Variants in CA10 observed in about 807,000 individuals in gnomAD.
CA10 encodes the protein carbonic anhydrase 10 (inactive).
CA10 carries 14 observed loss-of-function variants against 44.2 expected under a neutral mutation model. The observed-to-expected ratio is 0.32, with a 90% CI of 0.21 to 0.50. CA10 has a LOEUF of 0.50. Ranked by LOEUF, CA10 falls within the 20% of genes least tolerant of loss-of-function variation. The probability of loss-of-function intolerance (pLI) is 0.99; values close to 1 mark genes in which losing one functional copy is unlikely to be tolerated. For synonymous variants in CA10, 159 were observed against 141.6 expected, an observed-to-expected ratio of 1.12 and a Z score of -0.87; for missense variants, 350 against 409.7, an observed-to-expected ratio of 0.85 and a Z score of 1.26.
chr17:51,925,573 T>C (rs1237631531), intron 3 of CA10, among the ~76,000 whole-genome samples: 1 of 152,152 alleles, frequency 6.6e-6, no homozygotes, highest in African/African-American at 2.4e-5. Context: ...GCCCCAGTAA[T>C]TCCACTCCTT....
chr17:52,049,858 C>G (rs1466128210), intron 2 of CA10, among the ~76,000 whole-genome samples: 1 of 152,048 alleles, frequency 6.6e-6, no homozygotes, highest in Admixed American at 6.6e-5. Flanking sequence ...TAAGATTATA[C>G]TGGAATACCA....
chr17:52,000,500 C>G (rs564611538), intron 2 of CA10, among the ~76,000 whole-genome samples: 1 of 152,056 alleles, frequency 6.6e-6, no homozygotes, highest in Non-Finnish European at 1.5e-5. Context: ...CTATGCTTTA[C>G]TTTTGTATGT....
intron 3 of CA10, among the ~76,000 whole-genome samples, chr17:51,816,162 A>T (rs539535316): frequency 6.6e-6 from 1 of 152,304 alleles, no homozygotes; most frequent in Non-Finnish European, 1.5e-5. Flanking sequence ...ATAAGTGAGG[A>T]CATGCAATGT....
At chr17:52,067,211 A>G (rs1879309088) in intron 2 of CA10, among the ~76,000 whole-genome samples, 1 of 152,252 alleles carries the variant, frequency 6.6e-6, no homozygotes, top group African/African-American at 2.4e-5. Flanking sequence ...GGCTGGGCCC[A>G]AGGCCTAGCT....
At chr17:51,940,694 C>A (rs1191600818) in intron 2 of CA10, among the ~76,000 whole-genome samples, 1 of 144,080 alleles carries the variant, frequency 6.9e-6, no homozygotes, top group Non-Finnish European at 1.5e-5. Flanking sequence ...AAAAAAAAAA[C>A]ACCCTGGCAA....
At chr17:51,798,535 C>G (rs1906802286) in intron 3 of CA10, among the ~76,000 whole-genome samples, 1 of 152,204 alleles carries the variant, frequency 6.6e-6, no homozygotes. Flanking sequence ...AGAGATGCAG[C>G]TTAAGTTACT....
At chr17:51,699,987 A>G (rs2143455699) in intron 4 of CA10, among the ~76,000 whole-genome samples, 1 of 151,540 alleles carries the variant, frequency 6.6e-6, no homozygotes, top group East Asian at 1.9e-4. Context: ...CCCATGGGGT[A>G]GACATCAGAG....
intron 3 of CA10, among the ~76,000 whole-genome samples, chr17:51,806,520 AT>A (rs1907146057): frequency 6.6e-6 from 1 of 152,218 alleles, no homozygotes; most frequent in Non-Finnish European, 1.5e-5. Flanking sequence ...CAATAAACAA[AT>A]AAAAATGAGA....
At chr17:51,993,379 T>C (rs1399562386) in intron 2 of CA10, among the ~76,000 whole-genome samples, 2 of 152,164 alleles carry the variant, frequency 1.3e-5, no homozygotes, top group African/African-American at 4.8e-5. Context: ...GGACCTCTTC[T>C]GAAGCATACA....
At chr17:52,090,017 T>C (rs2143206359) in intron 1 of CA10, among the ~76,000 whole-genome samples, 2 of 152,308 alleles carry the variant, frequency 1.3e-5, no homozygotes, top group Non-Finnish European at 2.9e-5. Flanking sequence ...TTTTCCAGTA[T>C]GCTTAAAAGA....
intron 3 of CA10, among the ~76,000 whole-genome samples, chr17:51,795,331 T>C (rs1906665444): frequency 6.6e-6 from 1 of 152,190 alleles, no homozygotes; most frequent in Non-Finnish European, 1.5e-5. Flanking sequence ...CCAGGAACTG[T>C]AGCCATCTAA....
chr17:52,064,456 A>T (rs1285374742), intron 2 of CA10, among the ~76,000 whole-genome samples: 1 of 152,204 alleles, frequency 6.6e-6, no homozygotes, highest in Non-Finnish European at 1.5e-5. Flanking sequence ...GCACAGCCCC[A>T]GGCTGGCCAT....
chr17:51,938,477 T>C (rs1310699795), intron 2 of CA10, among the ~76,000 whole-genome samples: 1 of 152,094 alleles, frequency 6.6e-6, no homozygotes, highest in African/African-American at 2.4e-5. Flanking sequence ...ATTCCATACT[T>C]TCAATGAGCC....
At chr17:51,933,370 A>C (rs1982739850) in intron 2 of CA10, among the ~76,000 whole-genome samples, 1 of 152,082 alleles carries the variant, frequency 6.6e-6, no homozygotes, top group Non-Finnish European at 1.5e-5. Context: ...GAGGTCAGCC[A>C]GGAGAGAAGA....
chr17:51,953,457 T>G (rs1159419046), intron 2 of CA10, among the ~76,000 whole-genome samples: 1 of 148,152 alleles, frequency 6.7e-6, no homozygotes, highest in Non-Finnish European at 1.5e-5. Context: ...ATATTTTTGT[T>G]TTTTTTTTTT....
At chr17:52,123,217 A>T (rs2143323299) in intron 1 of CA10, among the ~76,000 whole-genome samples, 1 of 152,328 alleles carries the variant, frequency 6.6e-6, no homozygotes, top group Middle Eastern at 3.4e-3. Flanking sequence ...ATGAAATATT[A>T]ACTTAAAAGA....
chr17:51,732,337 CTTATAG>C (rs1427110428), intron 4 of CA10, among the ~76,000 whole-genome samples: 1 of 152,200 alleles, frequency 6.6e-6, no homozygotes, highest in Non-Finnish European at 1.5e-5. Context: ...TTATGGATTG[CTTATAG>C]TTATTCTTTC....
intron 3 of CA10, among the ~76,000 whole-genome samples, chr17:51,840,502 CACACACACACACACGT>C (rs1978311083): frequency 6.9e-6 from 1 of 144,322 alleles, no homozygotes; most frequent in Non-Finnish European, 1.5e-5. Context: ...CACACACACA[CACACACACACACACGT>C]ACTATAGTTT....
chr17:52,083,236 G>A (rs962429856), intron 1 of CA10, among the ~76,000 whole-genome samples: 2 of 151,210 alleles, frequency 1.3e-5, no homozygotes, highest in African/African-American at 2.5e-5. Context: ...AAATCTCCTT[G>A]TATCTCTCTT....
Sources: allele counts gnomAD v4.1 joint callset (sites outside exome capture counted in the v4.1 genomes callset), GRCh38; gene constraint gnomAD v4.1.1; transcripts MANE v1.5; gene names NCBI Gene and HGNC (gene_info 2026-07-23, HGNC 2026-07-21).